The following CORO2A variants were observed in gnomAD, a reference collection of about 807,000 sequenced individuals.
CORO2A encodes the protein coronin 2A, also known as coronin-2A.
CORO2A carries 47 observed loss-of-function variants against 62.4 expected under a neutral mutation model. The ratio of observed to expected loss-of-function variants is 0.75; its 90% CI spans 0.60 to 0.96. The LOEUF (loss-of-function observed/expected upper bound fraction) is 0.96, where lower values mean the gene tolerates loss of function less well. Among genes scored for constraint, CORO2A ranks in the 40% least tolerant of loss-of-function variants. The pLI, the probability that CORO2A is intolerant of heterozygous loss-of-function variation, is 0.00. For synonymous variants in CORO2A, 273 were observed against 268.9 expected (o/e 1.02, Z -0.15); for missense variants, 610 against 684.1 (o/e 0.89, Z 1.21).
intron 5 of CORO2A, among the ~76,000 whole-genome samples, chr9:98,132,592 C>G (rs1182509851): frequency 1.3e-5 from 2 of 152,212 alleles, no homozygotes; most frequent in African/African-American, 4.8e-5. Context: ...CCTACAGGGG[C>G]GGGCACTGTC....
chr9:98,191,999 C>A (rs376416026), intron 1 of CORO2A, among the ~76,000 whole-genome samples: 1 of 152,264 alleles, frequency 6.6e-6, no homozygotes, highest in African/African-American at 2.4e-5. Flanking sequence ...CTCCTCCAGC[C>A]CCAGACGAGT....
chr9:98,177,758 C>A (rs200847195), intron 1 of CORO2A, among the ~76,000 whole-genome samples: 1,642 of 147,012 alleles, frequency 0.011, 27 homozygotes, highest in African/African-American at 0.04. Context: ...AAAAAAAAAA[C>A]AAACTGTGCT....
Position 98,148,587 on chromosome 9 carries a change from T to C in CORO2A, c.201+8873A>G, listed in dbSNP as rs1827678827. 4.0e-5 allele frequency among the ~76,000 whole-genome samples: 6 copies of C among 151,274 alleles called. No individual in the cohort carries two copies. In the South Asian group the frequency reaches 1.3e-3, roughly 32 times the overall value. ...AAACCTCACCTCTACATAAAAAATA[T>C]ACAAAAATTAGCTGGGTGTGATGGC... On this transcript the variant is annotated intron_variant, in intron 2 of 11. Coordinates refer to ENST00000375077, the MANE Select transcript of CORO2A (RefSeq NM_052820.4).
chr9:98,154,729 C>G (rs7851013), intron 2 of CORO2A, among the ~76,000 whole-genome samples: 8,417 of 152,220 alleles, frequency 0.055, 666 homozygotes, highest in African/African-American at 0.18. Flanking sequence ...TTATTTCACT[C>G]AACTTTATCT....
At chr9:98,154,327 G>GTATATATATATATA (rs1252469980) in intron 2 of CORO2A, among the ~76,000 whole-genome samples, 58 of 93,248 alleles carry the variant, frequency 6.2e-4, no homozygotes, top group South Asian at 2.2e-3. Context: ...ATGTGTTTGT[G>GTATATATATATATA]TGTATATATA....
At chr9:98,181,178 A>T (rs1474578532) in intron 1 of CORO2A, among the ~76,000 whole-genome samples, 1 of 151,060 alleles carries the variant, frequency 6.6e-6, no homozygotes, top group African/African-American at 2.4e-5. Context: ...TGTGTCCCCC[A>T]GCGCGACTCC....
At chr9:98,125,709 A>ATTTTTT (rs993617176) in intron 11 of CORO2A, among the ~76,000 whole-genome samples, 5 of 89,586 alleles carry the variant, frequency 5.6e-5, no homozygotes, top group South Asian at 4.1e-4. Flanking sequence ...GTTTCCCACC[A>ATTTTTT]TTTTTTTTTT....
rs1161841902 is a variant in CORO2A, at chr9:98,121,186, T to C, written c.*3588A>G. The C allele has an allele frequency of 6.6e-6, 1 of 152,242 alleles. No homozygotes were observed. Among genetic ancestry groups the C allele is most frequent in the East Asian group, 1.9e-4 (1 of 5,206 alleles). 9.4% of individuals were successfully genotyped at this position (152,242 alleles called of 1,614,324 possible). ...ATTTCTGACTTCCTGTTTCCTTCTA[T>C]GATACAATCTCAAGTTTTGTTTCAG... On this transcript the variant is annotated 3_prime_UTR_variant, in exon 12 of 12. Coordinates refer to ENST00000375077, the MANE Select transcript of CORO2A (RefSeq NM_052820.4).
chr9:98,190,737 T>C (rs1338760083), intron 1 of CORO2A, among the ~76,000 whole-genome samples: 1 of 152,146 alleles, frequency 6.6e-6, no homozygotes, highest in Non-Finnish European at 1.5e-5. Context: ...AGGCTTGAAT[T>C]AGGCAAGCAG....
chr9:98,126,773 G>A lies in CORO2A; in HGVS notation c.1222C>T (p.Pro408Ser). The stretch of plus-strand genomic sequence containing the variant: ...AAGATAGGTCTCTCTGCAGGCAGTG[G>A]GTGGGGTCTCAGCAGCTCAGAGCCA... ...RPGSELLRPH[P>S]LPAERPIFNS... Residue 408 changes from proline to serine, a missense_variant, in exon 11 of 12, where the codon CCA becomes TCA. Physicochemically the swap from Pro to Ser is moderately conservative, Grantham distance 74 (BLOSUM62 -1). Coordinates refer to ENST00000375077, the MANE Select transcript of CORO2A (RefSeq NM_052820.4). 1.2e-6 allele frequency: 2 copies of A among 1,614,194 alleles called. No individual in the cohort carries two copies. The highest frequency in any genetic ancestry group is 1.3e-5 in the African/African-American group (1 of 75,048).
At chr9:98,145,525 T>A (rs549613961) in intron 2 of CORO2A, among the ~76,000 whole-genome samples, 1 of 152,246 alleles carries the variant, frequency 6.6e-6, no homozygotes, top group East Asian at 1.9e-4. Flanking sequence ...GCAATTTGTA[T>A]GGAGGGAACA....
At chr9:98,191,929 C>G (rs1828309970) in intron 1 of CORO2A, among the ~76,000 whole-genome samples, 1 of 152,218 alleles carries the variant, frequency 6.6e-6, no homozygotes, top group African/African-American at 2.4e-5. Context: ...ATCGAGGTGC[C>G]TACGTGGGGC....
chr9:98,155,321 A>T (rs1827787285), intron 2 of CORO2A, among the ~76,000 whole-genome samples: 1 of 149,304 alleles, frequency 6.7e-6, no homozygotes, highest in Non-Finnish European at 1.5e-5. Flanking sequence ...TATTTTCTTT[A>T]AGGGAAATTT....
At chr9:98,189,924 G>A (rs1023017517) in intron 1 of CORO2A, among the ~76,000 whole-genome samples, 8 of 150,484 alleles carry the variant, frequency 5.3e-5, no homozygotes, top group African/African-American at 7.4e-5. Context: ...TCGCTCTGTC[G>A]CCCAGGCTGG....
At chr9:98,177,765 T>C (rs7034681) in intron 1 of CORO2A, among the ~76,000 whole-genome samples, 1 of 150,074 alleles carries the variant, frequency 6.7e-6, no homozygotes, top group African/African-American at 2.4e-5. Flanking sequence ...AAACAAACTG[T>C]GCTCACACCC....
At chr9:98,171,260 C>T (rs866948833) in intron 1 of CORO2A, among the ~76,000 whole-genome samples, 1 of 152,150 alleles carries the variant, frequency 6.6e-6, no homozygotes, top group African/African-American at 2.4e-5. Flanking sequence ...ACAGTCAGCC[C>T]GAGGCAGGGC....
At chr9:98,178,036 A>C (rs1445764655) in intron 1 of CORO2A, among the ~76,000 whole-genome samples, 1 of 151,860 alleles carries the variant, frequency 6.6e-6, no homozygotes, top group Non-Finnish European at 1.5e-5. Flanking sequence ...TTCTTTTTTA[A>C]ATTTATTTTT....
At chr9:98,163,344 T>G (rs1020273994) in intron 1 of CORO2A, among the ~76,000 whole-genome samples, 10 of 152,198 alleles carry the variant, frequency 6.6e-5, no homozygotes, top group Admixed American at 2.6e-4. Flanking sequence ...CGCATGCCAC[T>G]GTGCCCCACT....
At chr9:98,182,744 G>A (rs975712610) in intron 1 of CORO2A, among the ~76,000 whole-genome samples, 3 of 152,180 alleles carry the variant, frequency 2.0e-5, no homozygotes, top group Admixed American at 6.5e-5. Flanking sequence ...GCTACAATGC[G>A]ATGGTGAAGA....
Sources: allele counts gnomAD v4.1 joint callset (sites outside exome capture counted in the v4.1 genomes callset), GRCh38; gene constraint gnomAD v4.1.1; transcripts MANE v1.5; gene names NCBI Gene and HGNC (gene_info 2026-07-23, HGNC 2026-07-21).